Variants in PRKN observed in about 807,000 individuals in gnomAD.
PRKN encodes the protein parkin RBR E3 ubiquitin protein ligase, also known as E3 ubiquitin-protein ligase parkin.
Under a neutral mutation model 59.5 loss-of-function variants are expected in PRKN, and 56 were observed. The observed-to-expected ratio is 0.94, with a 90% CI of 0.76 to 1.18. The LOEUF is 1.18. Among genes scored for constraint, PRKN ranks in the 50% most tolerant of loss-of-function variants. PRKN has a pLI of 0.00. For missense variants in PRKN, 657 were observed against 596.4 expected (o/e 1.10, Z -1.06); for synonymous variants, 250 against 222.1 (o/e 1.13, Z -1.12).
At chr6:161,433,591 C>G (rs115404948) in intron 9 of PRKN, among the ~76,000 whole-genome samples, 1,816 of 152,116 alleles carry the variant, frequency 0.012, 43 homozygotes, top group African/African-American at 0.042. Context: ...GAGTATGAGG[C>G]CCGATATAAA....
intron 6 of PRKN, among the ~76,000 whole-genome samples, chr6:161,904,298 G>A (rs564199009): frequency 6.8e-5 from 10 of 147,518 alleles, no homozygotes; most frequent in East Asian, 4.0e-4. Context: ...GCTTGTTTTC[G>A]AATTTGTGGG....
At chr6:162,596,219 T>C (rs2128215507) in intron 1 of PRKN, among the ~76,000 whole-genome samples, 1 of 152,350 alleles carries the variant, frequency 6.6e-6, no homozygotes, top group South Asian at 2.1e-4. Context: ...CGTGAAATTT[T>C]TGAAATCATA....
intron 4 of PRKN, among the ~76,000 whole-genome samples, chr6:162,191,947 G>A (rs1035067938): frequency 6.6e-6 from 1 of 152,110 alleles, no homozygotes; most frequent in African/African-American, 2.4e-5. Flanking sequence ...TCCCTGCCAG[G>A]AGACAGCATC....
At chr6:162,047,331 G>C (rs1393152886) in intron 5 of PRKN, among the ~76,000 whole-genome samples, 1 of 152,106 alleles carries the variant, frequency 6.6e-6, no homozygotes, top group Non-Finnish European at 1.5e-5. Flanking sequence ...AGCCACAAAG[G>C]CTGGAATTGC....
intron 10 of PRKN, among the ~76,000 whole-genome samples, chr6:161,383,666 C>T (rs930664635): frequency 6.6e-6 from 1 of 152,214 alleles, no homozygotes; most frequent in African/African-American, 2.4e-5. Context: ...ACTCTTCCTC[C>T]CCCTGCCTTT....
intron 9 of PRKN, among the ~76,000 whole-genome samples, chr6:161,510,430 CTG>C (rs1303512449): frequency 6.6e-6 from 1 of 151,926 alleles, no homozygotes; most frequent in Non-Finnish European, 1.5e-5. Context: ...TGAAGTGTGA[CTG>C]TCCCTGAGAT....
At chr6:162,236,849 G>C (rs1237429203) in intron 3 of PRKN, among the ~76,000 whole-genome samples, 1 of 150,038 alleles carries the variant, frequency 6.7e-6, no homozygotes, top group African/African-American at 2.5e-5. Flanking sequence ...AGAAAGGAGA[G>C]GAAGGAAGGA....
chr6:161,429,635 C>A lies in PRKN; in HGVS notation c.1084-42758G>T, dbSNP rs1788552663. ...AGGCCACGGAGATGGCTGCTGGTTT[C>A]AGGTTTGGGCCACAAGTAGATCAAT... On this transcript the variant is annotated intron_variant, in intron 9 of 11. Coordinates refer to ENST00000366898, the MANE Select transcript of PRKN (RefSeq NM_004562.3). This position sits in a 1 kb window ranked among gnomAD's most constrained non-coding sequence, Gnocchi z 4.2. 6.6e-6 allele frequency among the ~76,000 whole-genome samples: 1 copy of A among 152,082 alleles called. No homozygotes were observed. Among genetic ancestry groups the A allele is most frequent in the African/African-American group, 2.4e-5 (1 of 41,394 alleles).
intron 1 of PRKN, among the ~76,000 whole-genome samples, chr6:162,622,922 A>G (rs578247006): frequency 9.5e-4 from 145 of 152,262 alleles, no homozygotes; most frequent in African/African-American, 3.4e-3. Context: ...GCCCTCCTGA[A>G]CACCTTTCCC....
At chr6:162,384,763 T>A (rs1413422423) in intron 2 of PRKN, among the ~76,000 whole-genome samples, 1 of 152,098 alleles carries the variant, frequency 6.6e-6, no homozygotes, top group African/African-American at 2.4e-5. Context: ...ACACGCTGCA[T>A]TTCTTTAAAT....
At chr6:162,327,980 T>C (rs752731075) in intron 2 of PRKN, among the ~76,000 whole-genome samples, 29 of 152,106 alleles carry the variant, frequency 1.9e-4, no homozygotes, top group Admixed American at 4.6e-4. Context: ...AAGATGGGCA[T>C]GGGCATTTAC....
At chr6:162,497,556 T>C (rs1793122472) in intron 1 of PRKN, among the ~76,000 whole-genome samples, 1 of 152,242 alleles carries the variant, frequency 6.6e-6, no homozygotes, top group Admixed American at 6.5e-5. Flanking sequence ...GCATTTTCAT[T>C]AATTCAAAAC....
At chr6:162,081,230 C>T (rs1469604737) in intron 4 of PRKN, among the ~76,000 whole-genome samples, 2 of 152,044 alleles carry the variant, frequency 1.3e-5, no homozygotes, top group East Asian at 1.9e-4. Context: ...TTAATGGCAT[C>T]TAGAATGGTG....
At chr6:161,540,800 A>G (rs1173474802) in intron 9 of PRKN, among the ~76,000 whole-genome samples, 2 of 152,200 alleles carry the variant, frequency 1.3e-5, no homozygotes, top group Non-Finnish European at 2.9e-5. Context: ...GAAAGTTTTA[A>G]GTCCTATAGG....
intron 6 of PRKN, among the ~76,000 whole-genome samples, chr6:161,816,048 C>G (rs1791766075): frequency 6.6e-6 from 1 of 152,116 alleles, no homozygotes; most frequent in South Asian, 2.1e-4. Flanking sequence ...AACTTGTACA[C>G]AAATGCTCCT....
chr6:162,277,187 GAATCGGGATTTT>G (rs1028777289), intron 2 of PRKN, among the ~76,000 whole-genome samples: 1 of 152,126 alleles, frequency 6.6e-6, no homozygotes, highest in Non-Finnish European at 1.5e-5. Context: ...AGATTGGTGG[GAATCGGGATTTT>G]GGCAGTTTCC....
chr6:162,328,427 G>A (rs1202401986), intron 2 of PRKN, among the ~76,000 whole-genome samples: 1 of 152,136 alleles, frequency 6.6e-6, no homozygotes, highest in African/African-American at 2.4e-5. Flanking sequence ...CTTGTTCTGT[G>A]AACACAGTCA....
At chr6:161,614,765 A>G (rs1782625251) in intron 7 of PRKN, among the ~76,000 whole-genome samples, 1 of 152,254 alleles carries the variant, frequency 6.6e-6, no homozygotes, top group African/African-American at 2.4e-5. Flanking sequence ...AATGACATTT[A>G]CAGAAATTCA....
chr6:161,886,349 A>C (rs1472139447), intron 6 of PRKN, among the ~76,000 whole-genome samples: 1 of 152,212 alleles, frequency 6.6e-6, no homozygotes, highest in Non-Finnish European at 1.5e-5. Context: ...GAAAACATGA[A>C]AACAAACTTC....
Sources: allele counts gnomAD v4.1 joint callset (sites outside exome capture counted in the v4.1 genomes callset), GRCh38; gene constraint gnomAD v4.1.1; non-coding constraint Gnocchi (gnomAD v3.1); transcripts MANE v1.5; gene names NCBI Gene and HGNC (gene_info 2026-07-23, HGNC 2026-07-21).